The following C1orf87 variants were observed in gnomAD, a reference collection of about 807,000 sequenced individuals.
C1orf87 encodes uncharacterized protein C1orf87.
A neutral mutation model predicts 60.5 loss-of-function variants in C1orf87; 58 were observed. The ratio of observed to expected loss-of-function variants is 0.96; its 90% confidence interval spans 0.78 to 1.19. The LOEUF (loss-of-function observed/expected upper bound fraction) is 1.19, where lower values mean the gene tolerates loss of function less well. Among genes scored for constraint, C1orf87 ranks in the 50% most tolerant of loss-of-function variants. The pLI is 0.00. For synonymous variants in C1orf87, 236 were observed against 227.4 expected (o/e 1.04, Z -0.34); for missense variants, 673 against 638.6 (o/e 1.05, Z -0.58).
At position 60,050,028 on chromosome 1, in the gene C1orf87, T is replaced by C. The variant is rs114799846; in HGVS notation, c.342+5176A>G. Reference sequence around the variant, plus strand: ...AGAGACTTTTTGTTTTAATATCTGGTAATGGTATCTTACCCATTATTCATA... The same window carrying C: ...AGAGACTTTTTGTTTTAATATCTGGCAATGGTATCTTACCCATTATTCATA... On this transcript the variant is annotated intron_variant, in intron 3 of 11. Coordinates refer to ENST00000371201, the MANE Select transcript of C1orf87 (RefSeq NM_152377.3). Among the ~76,000 whole-genome samples the C allele has an allele frequency of 3.4e-3, 520 of 152,248 alleles. 1 individual carries two copies. The highest frequency in any genetic ancestry group is 5.9e-3 in the Non-Finnish European group (398 of 67,944).
At chr1:59,997,554 T>A in intron 11 of C1orf87, 55 bp downstream of exon 11, 3 of 1,573,408 alleles carry the variant, frequency 1.9e-6, no homozygotes, top group Non-Finnish European at 2.6e-6. Context: ...AGGTGCCTAC[T>A]TTTAGACTAG....
chr1:60,043,487 T>C (rs1645341854), intron 3 of C1orf87, among the ~76,000 whole-genome samples: 5 of 152,036 alleles, frequency 3.3e-5, no homozygotes. Flanking sequence ...GTTCAAGAGA[T>C]TTTCCTGCTT....
chr1:60,043,922 T>G (rs528632056), intron 3 of C1orf87, among the ~76,000 whole-genome samples: 2 of 152,368 alleles, frequency 1.3e-5, no homozygotes, highest in African/African-American at 4.8e-5. Context: ...ATGTATTAAG[T>G]GCCTTTATCC....
intron 2 of C1orf87, among the ~76,000 whole-genome samples, chr1:60,059,477 T>C (rs190669528): frequency 1.3e-5 from 2 of 152,258 alleles, no homozygotes; most frequent in African/African-American, 4.8e-5. Context: ...AGTCGTTCCC[T>C]CTCTCACCGG....
At chr1:60,017,038 G>A (rs1324042754) in intron 8 of C1orf87, among the ~76,000 whole-genome samples, 1 of 152,192 alleles carries the variant, frequency 6.6e-6, no homozygotes, top group East Asian at 1.9e-4. Context: ...ATTTGACTTA[G>A]CCTTATTGAC....
chr1:60,026,280 C>T (rs1360408268), intron 7 of C1orf87, among the ~76,000 whole-genome samples: 1 of 152,138 alleles, frequency 6.6e-6, no homozygotes, highest in Non-Finnish European at 1.5e-5. Context: ...TCTCTCTGAT[C>T]TTGGGAAGTT....
At chr1:60,065,700 T>C (rs1418359869) in intron 2 of C1orf87, among the ~76,000 whole-genome samples, 2 of 152,172 alleles carry the variant, frequency 1.3e-5, no homozygotes, top group Non-Finnish European at 2.9e-5. Context: ...CCATTAACTT[T>C]AACACTTAAA....
intron 8 of C1orf87, chr1:60,010,751 T>G (rs630572): frequency 0.7 from 164,944 of 234,180 alleles, 58,660 homozygotes; most frequent in South Asian, 0.77. Context: ...TGTCTCAGTT[T>G]CCCCTAGCTA....
At chr1:60,034,351 A>G (rs1645260408) in intron 6 of C1orf87, among the ~76,000 whole-genome samples, 2 of 152,224 alleles carry the variant, frequency 1.3e-5, no homozygotes, top group African/African-American at 4.8e-5. Context: ...TTACTTATCT[A>G]ACAGCCAAAT....
intron 8 of C1orf87, among the ~76,000 whole-genome samples, chr1:60,022,312 T>C (rs1160922695): frequency 1.3e-5 from 2 of 151,876 alleles, no homozygotes; most frequent in Admixed American, 6.6e-5. Context: ...GTAGTGTGGA[T>C]GGGTGTTGTT....
rs1238383379 is a variant in C1orf87, at chr1:60,073,714, G to C, written c.-52C>G. 1.3e-5 allele frequency: 2 copies of C among 152,346 alleles called. No individual in the cohort carries two copies. The highest frequency in any genetic ancestry group is 2.4e-5 in the African/African-American group (1 of 41,472). The allele number at this position is 152,346 out of a possible 1,614,324, so 9.4% of individuals were successfully genotyped here. ...CCGCTAGGGCAGCGTCCCCACCCTG[G>C]CAGCTCAGAGGTGCGCGGTCCGTGC... On this transcript the variant is annotated 5_prime_UTR_variant, in exon 1 of 12. Coordinates refer to ENST00000371201, the MANE Select transcript of C1orf87 (RefSeq NM_152377.3).
Position 60,072,524 on chromosome 1 carries a change from A to C in C1orf87, c.107+13T>G, listed in dbSNP as rs1376634299. ...ATCCAAGCAACATAGATATTTTTCA[A>C]ATATGGACTTACATCTTTGGCTTCT... On this transcript the variant is annotated intron_variant, in intron 2 of 11. Coordinates refer to ENST00000371201, the MANE Select transcript of C1orf87 (RefSeq NM_152377.3). 1 of 1,565,886 alleles carries C rather than the reference A, an allele frequency of 6.4e-7. No individual in the cohort carries two copies. Among genetic ancestry groups the C allele is most frequent in the Non-Finnish European group, 8.7e-7 (1 of 1,147,948 alleles).
intron 2 of C1orf87, among the ~76,000 whole-genome samples, chr1:60,064,722 A>G (rs1200902157): frequency 2.0e-5 from 2 of 99,762 alleles, no homozygotes; most frequent in East Asian, 5.0e-4. Context: ...ATATAAATAT[A>G]TTTAAATATA....
chr1:60,013,465 T>G, intron 8 of C1orf87, among the ~76,000 whole-genome samples: 1 of 152,040 alleles, frequency 6.6e-6, no homozygotes, highest in Non-Finnish European at 1.5e-5. Flanking sequence ...TCTGTTCATG[T>G]TTTGTGCTTT....
chr1:60,019,706 G>A (rs1645149246), intron 8 of C1orf87, among the ~76,000 whole-genome samples: 2 of 152,148 alleles, frequency 1.3e-5, no homozygotes, highest in Non-Finnish European at 1.5e-5. Context: ...GAACTTTTTG[G>A]GAAATGGAGT....
At chr1:59,996,180 A>T (rs1047873294) in intron 11 of C1orf87, among the ~76,000 whole-genome samples, 11 of 152,208 alleles carry the variant, frequency 7.2e-5, no homozygotes, top group African/African-American at 2.4e-4. Context: ...AAAACACACA[A>T]AGAGAATGAA....
intron 2 of C1orf87, among the ~76,000 whole-genome samples, chr1:60,064,943 ATAT>A (rs2100331798): frequency 1.1e-5 from 1 of 91,456 alleles, no homozygotes; most frequent in South Asian, 3.1e-4. Context: ...AATATAAAAT[ATAT>A]AATAAATATA....
At chr1:60,003,502 T>C (rs1304185894) in intron 9 of C1orf87, among the ~76,000 whole-genome samples, 1 of 152,020 alleles carries the variant, frequency 6.6e-6, no homozygotes, top group African/African-American at 2.4e-5. Context: ...AAAGAAAGTG[T>C]AAAGCAAATA....
chr1:60,005,517 A>G (rs1645037576), intron 9 of C1orf87, among the ~76,000 whole-genome samples: 1 of 152,126 alleles, frequency 6.6e-6, no homozygotes, highest in African/African-American at 2.4e-5. Context: ...TGACCTCTTT[A>G]AAGAAGTGAC....
Sources: allele counts gnomAD v4.1 joint callset (sites outside exome capture counted in the v4.1 genomes callset), GRCh38; gene constraint gnomAD v4.1.1; transcripts MANE v1.5; gene names NCBI Gene and HGNC (gene_info 2026-07-23, HGNC 2026-07-21).